KDM6A: variants seen among roughly 807,000 people sequenced by gnomAD.
KDM6A encodes the protein lysine demethylase 6A.
KDM6A carries 11 observed loss-of-function variants against 117.6 expected under a neutral mutation model. The ratio of observed to expected loss-of-function variants is 0.09; its 90% confidence interval spans 0.06 to 0.15. The LOEUF (loss-of-function observed/expected upper bound fraction) is 0.15, where lower values mean the gene tolerates loss of function less well. KDM6A is among the 10% of genes least tolerant of loss of function. The probability of loss-of-function intolerance (pLI) is 1.00; values close to 1 mark genes in which losing one functional copy is unlikely to be tolerated. For missense variants in KDM6A, 799 were observed against 1,077.3 expected (o/e 0.74, Z 3.62); for synonymous variants, 384 against 396.1 (o/e 0.97, Z 0.36).
At chrX:45,027,665 G>A (rs956682824) in intron 6 of KDM6A, among the ~76,000 whole-genome samples, 3 of 111,392 alleles carry the variant, frequency 2.7e-5, no homozygotes, top group African/African-American at 9.8e-5. Flanking sequence ...ACATGGGACC[G>A]GGAAGGGAAA....
At chrX:44,891,097 C>T (rs1316556990) in intron 2 of KDM6A, among the ~76,000 whole-genome samples, 2 of 109,670 alleles carry the variant, frequency 1.8e-5, no homozygotes, top group African/African-American at 3.3e-5. Context: ...TTGTTAGGTA[C>T]GTGGTTGGAT....
At chrX:44,911,737 A>G (rs2035189780) in intron 2 of KDM6A, among the ~76,000 whole-genome samples, 1 of 111,825 alleles carries the variant, frequency 8.9e-6, no homozygotes, top group African/African-American at 3.2e-5. Context: ...CCTGGGCAAC[A>G]TTGAGCACTG....
intron 2 of KDM6A, among the ~76,000 whole-genome samples, chrX:44,923,379 T>G (rs181423455): frequency 9.3e-4 from 102 of 109,148 alleles, no homozygotes; most frequent in Admixed American, 3.4e-3. Context: ...TCTAATTATA[T>G]GTTTATCAGG....
At chrX:44,999,845 A>G (rs2041052102) in intron 4 of KDM6A, among the ~76,000 whole-genome samples, 1 of 111,554 alleles carries the variant, frequency 9.0e-6, no homozygotes, top group African/African-American at 3.3e-5. Context: ...ATGGTATGAC[A>G]CAGCACCTGA....
chrX:45,040,384 G>A (rs1442326556), intron 8 of KDM6A, among the ~76,000 whole-genome samples: 3 of 92,406 alleles, frequency 3.2e-5, no homozygotes, highest in Non-Finnish European at 6.6e-5. Flanking sequence ...CAGGGCGGCT[G>A]GCCAGGCGGG....
At chrX:44,960,865 T>G (rs1433079770) in intron 2 of KDM6A, among the ~76,000 whole-genome samples, 3 of 111,782 alleles carry the variant, frequency 2.7e-5, no homozygotes, top group Admixed American at 1.9e-4. Context: ...TTTATTACTC[T>G]AGAGATTCTG....
At chrX:44,925,794 C>T (rs989446963) in intron 2 of KDM6A, among the ~76,000 whole-genome samples, 1 of 111,764 alleles carries the variant, frequency 8.9e-6, no homozygotes, top group Admixed American at 9.5e-5. Context: ...TGGCTTTCCA[C>T]CTACATTCCA....
chrX:45,053,735 G>T (rs1014690415), intron 9 of KDM6A, 94 bp from the exon 10 acceptor site: 2 of 683,682 alleles, frequency 2.9e-6, no homozygotes, highest in East Asian at 3.5e-5. Context: ...TGACAGAAAA[G>T]AGTACTTTTT....
At position 44,899,004 on chromosome X, in the gene KDM6A, G is replaced by GGTGTGTGT. The variant is rs745714866; in HGVS notation, c.225+25044_225+25051dup. ...AAACTGCGGAGGGAGGGAGAGGGAG[G>GGTGTGTGT]GTGTGTGTGTGTGTGTGTGTGTGTG... On this transcript the variant is annotated intron_variant, in intron 2 of 29. Coordinates refer to ENST00000611820, the MANE Select transcript of KDM6A (RefSeq NM_001291415.2). Among the ~76,000 whole-genome samples the GGTGTGTGT allele has an allele frequency of 8.4e-3, 666 of 79,266 alleles. 4 individuals are homozygous for GGTGTGTGT. Among genetic ancestry groups the GGTGTGTGT allele is most frequent in the African/African-American group, 0.023 (370 of 15,857 alleles). 68.8% of individuals were successfully genotyped at this position (79,266 alleles called of 115,157 possible). A position where few individuals can be genotyped will look rare whatever the true frequency, so the allele number is the denominator to read the frequency against.
intron 2 of KDM6A, among the ~76,000 whole-genome samples, chrX:44,946,427 G>T (rs1286125321): frequency 1.8e-5 from 2 of 111,587 alleles, no homozygotes; most frequent in Non-Finnish European, 3.8e-5. Context: ...AAACAAATTT[G>T]ATTTTTAGGA....
chrX:44,999,736 T>C (rs1409025178), intron 4 of KDM6A, among the ~76,000 whole-genome samples: 1 of 111,459 alleles, frequency 9.0e-6, no homozygotes, highest in Non-Finnish European at 1.9e-5. Flanking sequence ...TTGGCTTGAT[T>C]TTCCAAAAGA....
chrX:45,110,750 A>C (rs1475603760), intron 29 of KDM6A, among the ~76,000 whole-genome samples: 1 of 111,925 alleles, frequency 8.9e-6, no homozygotes, highest in Non-Finnish European at 1.9e-5. Flanking sequence ...TATGAAATTC[A>C]AGTATACTTA....
chrX:45,055,050 C>A (rs1322394402), intron 10 of KDM6A, among the ~76,000 whole-genome samples: 2 of 111,277 alleles, frequency 1.8e-5, no homozygotes, highest in South Asian at 7.5e-4. Context: ...AGTTGAGAAA[C>A]CCTGAGTTAG....
chrX:45,108,313 C>T (rs1055339594), intron 28 of KDM6A, among the ~76,000 whole-genome samples: 1 of 111,495 alleles, frequency 9.0e-6, no homozygotes, highest in African/African-American at 3.3e-5. Flanking sequence ...GGAACACAGA[C>T]TGTGCAAATT....
Position 45,082,967 on chromosome X carries a change from T to A in KDM6A, c.3440+178T>A, listed in dbSNP as rs928874297. 1.2e-3 allele frequency among the ~76,000 whole-genome samples: 129 copies of A among 110,787 alleles called. 1 individual carries two copies. Among genetic ancestry groups the A allele is most frequent in the African/African-American group, 4.2e-3 (128 of 30,386 alleles). ...CAATTAAAATTTTAAAATTTTTTTT[T>A]AAAAATAGAGATGGGGTCTCACTGT... On this transcript the variant is annotated intron_variant, in intron 23 of 29. Coordinates refer to ENST00000611820, the MANE Select transcript of KDM6A (RefSeq NM_001291415.2).
At chrX:45,029,663 G>A in intron 6 of KDM6A, among the ~76,000 whole-genome samples, 1 of 108,938 alleles carries the variant, frequency 9.2e-6, no homozygotes, top group Non-Finnish European at 1.9e-5. Flanking sequence ...GCAAATTTTT[G>A]CAGTATCCCC....
At chrX:44,947,313 A>G (rs2037702766) in intron 2 of KDM6A, among the ~76,000 whole-genome samples, 2 of 110,467 alleles carry the variant, frequency 1.8e-5, no homozygotes, top group South Asian at 7.6e-4. Context: ...AAGACCATCT[A>G]TAGTTAAATT....
intron 2 of KDM6A, among the ~76,000 whole-genome samples, chrX:44,914,124 C>T (rs1403972522): frequency 4.5e-5 from 5 of 111,725 alleles, no homozygotes; most frequent in African/African-American, 1.6e-4. Flanking sequence ...AAGTAAAGCT[C>T]GCCTTTCTGA....
Position 45,095,489 on chromosome X carries a change from C to T in KDM6A, c.4034+4625C>T, listed in dbSNP as rs755414748. Among the ~76,000 whole-genome samples, 6 of 111,394 alleles carry T rather than the reference C, an allele frequency of 5.4e-5. No individual in the cohort carries two copies. The South Asian group carries it at 2.3e-3, about 42-fold the overall frequency. On this transcript the variant is annotated intron_variant, in intron 27 of 29. Coordinates refer to ENST00000611820, the MANE Select transcript of KDM6A (RefSeq NM_001291415.2). ...ATACGTGAGCTATATAACAGGAGAG[C>T]ATGGAGACTGTATTGTTGCAGAAAT...
Sources: gnomAD v4.1 joint callset for allele counts (sites outside exome capture counted in the v4.1 genomes callset) on GRCh38, gnomAD v4.1.1 for gene constraint, MANE v1.5 for transcripts, NCBI Gene and HGNC (gene_info 2026-07-23, HGNC 2026-07-21) for gene names.